The following BANK1 variants were observed in gnomAD, a reference collection of about 807,000 sequenced individuals.
BANK1 encodes B cell scaffold protein with ankyrin repeats 1, also known as B-cell scaffold protein with ankyrin repeats.
Under a neutral mutation model 94.5 loss-of-function variants are expected in BANK1, and 95 were observed. The ratio of observed to expected loss-of-function variants is 1.00; its 90% CI spans 0.85 to 1.19. The LOEUF is 1.19. BANK1 is among the 50% of genes most tolerant of loss of function. BANK1 has a pLI of 0.00. For synonymous variants in BANK1, 334 were observed against 308.4 expected (o/e 1.08, Z -0.87); for missense variants, 987 against 932.2 (o/e 1.06, Z -0.77).
chr4:101,826,198 C>A (rs958079610), intron 1 of BANK1, among the ~76,000 whole-genome samples: 3 of 152,046 alleles, frequency 2.0e-5, no homozygotes, highest in African/African-American at 7.2e-5. Flanking sequence ...ATAGTTAAGA[C>A]TACCCCATAG....
intron 8 of BANK1, among the ~76,000 whole-genome samples, chr4:102,022,137 C>T (rs555895949): frequency 1.9e-4 from 29 of 151,780 alleles, no homozygotes; most frequent in African/African-American, 5.1e-4. Context: ...TATATGTGTA[C>T]GTAAACTCCA....
intron 7 of BANK1, among the ~76,000 whole-genome samples, chr4:101,995,688 A>G (rs1725854081): frequency 6.6e-6 from 1 of 152,172 alleles, no homozygotes; most frequent in African/African-American, 2.4e-5. Flanking sequence ...CATTTCTCTA[A>G]TGACCAGTGA....
chr4:101,875,388 G>A (rs1728450353), intron 5 of BANK1, among the ~76,000 whole-genome samples: 1 of 152,172 alleles, frequency 6.6e-6, no homozygotes, highest in African/African-American at 2.4e-5. Context: ...ATAAAGAAAA[G>A]AGGTTTAATT....
At chr4:101,957,283 T>C (rs955623087) in intron 7 of BANK1, among the ~76,000 whole-genome samples, 10 of 152,200 alleles carry the variant, frequency 6.6e-5, no homozygotes, top group Non-Finnish European at 1.5e-4. Context: ...CTTTCAGGAT[T>C]CCATAGACTG....
chr4:102,016,317 A>G (rs1019049345), intron 7 of BANK1, among the ~76,000 whole-genome samples: 1 of 152,142 alleles, frequency 6.6e-6, no homozygotes, highest in Non-Finnish European at 1.5e-5. Flanking sequence ...TGAAACCTTC[A>G]TATGTGGGTA....
chr4:101,911,225 C>T (rs775924117), intron 6 of BANK1, among the ~76,000 whole-genome samples: 48 of 152,186 alleles, frequency 3.2e-4, no homozygotes, highest in Non-Finnish European at 2.4e-4. Context: ...CTATAGTGAG[C>T]ATGAGCTCGG....
In BANK1 at chr4:102,021,341, G is replaced by A. The variant is rs77986600; in HGVS notation, c.1207-173G>A. On this transcript the variant is annotated intron_variant, in intron 7 of 16. Transcript: ENST00000322953. The stretch of plus-strand genomic sequence containing the variant: ...TTATTATAAATGTACTATTTCCCTC[G>A]TTATACTTTTAGTACTATGTGCCAT... Among the ~76,000 whole-genome samples, 1,026 of 151,670 alleles carry A rather than the reference G, an allele frequency of 6.8e-3. 12 individuals are homozygous for A. Among genetic ancestry groups the A allele is most frequent in the African/African-American group, 0.023 (949 of 41,374 alleles).
At chr4:102,024,209 G>C (rs980730062) in intron 8 of BANK1, among the ~76,000 whole-genome samples, 2 of 152,080 alleles carry the variant, frequency 1.3e-5, no homozygotes, top group Non-Finnish European at 2.9e-5. Flanking sequence ...ACATTGTGCT[G>C]TTTGGGATTT....
At chr4:101,908,196 A>G (rs1211175032) in intron 6 of BANK1, among the ~76,000 whole-genome samples, 6 of 152,336 alleles carry the variant, frequency 3.9e-5, no homozygotes, top group Middle Eastern at 3.4e-3. Context: ...TGGTACTGGT[A>G]CCAAAACAGA....
chr4:101,849,168 G>A (rs993578141), intron 2 of BANK1, among the ~76,000 whole-genome samples: 2 of 152,176 alleles, frequency 1.3e-5, no homozygotes, highest in Admixed American at 6.5e-5. Context: ...GCAATTGCAG[G>A]TAGGCCTTTC....
chr4:101,985,132 G>T (rs1725440677), intron 7 of BANK1, among the ~76,000 whole-genome samples: 1 of 152,072 alleles, frequency 6.6e-6, no homozygotes, highest in African/African-American at 2.4e-5. Flanking sequence ...CAAATCTGAA[G>T]GTCTGAGAAC....
At chr4:102,057,060 A>G (rs904436422) in intron 11 of BANK1, among the ~76,000 whole-genome samples, 4 of 152,096 alleles carry the variant, frequency 2.6e-5, no homozygotes, top group African/African-American at 9.7e-5. Flanking sequence ...CAAAGAATAT[A>G]TGCAACCCTA....
At chr4:101,811,186 C>A (rs1172021616) in intron 1 of BANK1, among the ~76,000 whole-genome samples, 1 of 152,128 alleles carries the variant, frequency 6.6e-6, no homozygotes, top group Non-Finnish European at 1.5e-5. Context: ...CATTCCAACC[C>A]AAGCCCCCAA....
chr4:101,972,935 G>A (rs1241032038), intron 7 of BANK1: 1 of 152,092 alleles, frequency 6.6e-6, no homozygotes, highest in East Asian at 1.9e-4. Flanking sequence ...AATACTGCAT[G>A]TTCTCACATG....
At chr4:102,008,320 G>A (rs1363131522) in intron 7 of BANK1, among the ~76,000 whole-genome samples, 1 of 152,166 alleles carries the variant, frequency 6.6e-6, no homozygotes, top group Admixed American at 6.5e-5. Context: ...TGAGGATCAC[G>A]ATATCGGTGA....
At chr4:101,886,914 A>AT (rs888729580) in intron 5 of BANK1, among the ~76,000 whole-genome samples, 7 of 151,578 alleles carry the variant, frequency 4.6e-5, no homozygotes, top group East Asian at 1.9e-4. Context: ...GTTCCCCAGT[A>AT]TTTTTTTTTC....
At chr4:102,009,161 A>C (rs1726401997) in intron 7 of BANK1, among the ~76,000 whole-genome samples, 1 of 152,232 alleles carries the variant, frequency 6.6e-6, no homozygotes, top group Non-Finnish European at 1.5e-5. Context: ...TACGGTACTT[A>C]TCCCCATGTG....
chr4:101,855,018 C>T lies in BANK1; in HGVS notation c.470-17C>T. 1 of 1,580,092 alleles carries T rather than the reference C, an allele frequency of 6.3e-7. No individual in the cohort carries two copies. Among genetic ancestry groups the T allele is most frequent in the African/African-American group, 1.4e-5 (1 of 73,928 alleles). ...CTTTAGTTATATTATAATCTACATT[C>T]ATAAAATTTTCTCTAGATTCTGAAG... On this transcript the variant is annotated splice_polypyrimidine_tract_variant and intron_variant, in intron 2 of 16. Coordinates refer to ENST00000322953, the MANE Select transcript of BANK1 (RefSeq NM_017935.5).
chr4:101,956,406 T>C (rs899607228), intron 7 of BANK1, among the ~76,000 whole-genome samples: 2 of 152,188 alleles, frequency 1.3e-5, no homozygotes, highest in Non-Finnish European at 2.9e-5. Flanking sequence ...TTGTGTTTTG[T>C]TTTTTATTCT....
Sources: gnomAD v4.1 joint callset for allele counts (sites outside exome capture counted in the v4.1 genomes callset) on GRCh38, gnomAD v4.1.1 for gene constraint, MANE v1.5 for transcripts, NCBI Gene and HGNC (gene_info 2026-07-23, HGNC 2026-07-21) for gene names.